MYO18B: variants seen among roughly 807,000 people sequenced by gnomAD.
MYO18B encodes the protein myosin XVIIIB.
MYO18B carries 204 observed loss-of-function variants against 273.0 expected under a neutral mutation model. The observed-to-expected ratio is 0.75, with a 90% CI of 0.67 to 0.84. MYO18B has a LOEUF of 0.84. Ranked by LOEUF, MYO18B falls within the 40% of genes least tolerant of loss-of-function variation. The pLI, the probability that MYO18B is intolerant of heterozygous loss-of-function variation, is 0.00. For synonymous variants in MYO18B, 1,330 were observed against 1,305.7 expected (o/e 1.02, Z -0.40); for missense variants, 3,212 against 3,287.6 (o/e 0.98, Z 0.56).
chr22:25,843,997 A>G, intron 18 of MYO18B, 103 bp downstream of exon 18: 1 of 1,074,774 alleles, frequency 9.3e-7, no homozygotes, highest in Non-Finnish European at 1.3e-6. Context: ...TGGGAGGGCC[A>G]GCCCAGGAAT....
intron 33 of MYO18B, among the ~76,000 whole-genome samples, chr22:25,916,540 T>C (rs2092263556): frequency 6.6e-6 from 1 of 152,244 alleles, no homozygotes. Context: ...CTTTTGTTCT[T>C]TTTTTCTTTT....
At chr22:25,774,598 C>T (rs1362756079) in intron 7 of MYO18B, among the ~76,000 whole-genome samples, 1 of 152,234 alleles carries the variant, frequency 6.6e-6, no homozygotes, top group African/African-American at 2.4e-5. Flanking sequence ...CTGGTCCGCA[C>T]CCTTCCCTCA....
intron 4 of MYO18B, among the ~76,000 whole-genome samples, chr22:25,769,631 G>C (rs1205573410): frequency 6.6e-6 from 1 of 152,172 alleles, no homozygotes; most frequent in East Asian, 1.9e-4. Context: ...AGTTTCCATT[G>C]CACCTGCCCT....
At chr22:25,767,386 A>T (rs1033197967) in intron 3 of MYO18B, among the ~76,000 whole-genome samples, 3 of 152,194 alleles carry the variant, frequency 2.0e-5, no homozygotes, top group Admixed American at 2.0e-4. Flanking sequence ...GAAGTGTGAT[A>T]TGGGGATCAG....
At chr22:25,933,413 G>C (rs1053996459) in intron 34 of MYO18B, among the ~76,000 whole-genome samples, 1 of 152,174 alleles carries the variant, frequency 6.6e-6, no homozygotes, top group African/African-American at 2.4e-5. Flanking sequence ...AGCAGAAAGG[G>C]TGATGAACCA....
intron 34 of MYO18B, among the ~76,000 whole-genome samples, chr22:25,926,890 A>G (rs2092429305): frequency 2.6e-5 from 4 of 152,196 alleles, no homozygotes; most frequent in Admixed American, 6.5e-5. Flanking sequence ...TTCCATGGAC[A>G]TTTATTAGTT....
intron 11 of MYO18B, among the ~76,000 whole-genome samples, chr22:25,792,485 T>TTTTC (rs1405731381): frequency 5.3e-5 from 3 of 56,126 alleles, no homozygotes; most frequent in South Asian, 7.2e-4. Flanking sequence ...ATGTTTCTTT[T>TTTTC]TTTTTTCTTT....
chr22:25,805,035 G>A (rs2088403455), intron 12 of MYO18B, among the ~76,000 whole-genome samples: 1 of 152,146 alleles, frequency 6.6e-6, no homozygotes, highest in Non-Finnish European at 1.5e-5. Context: ...CTGGTGTCTG[G>A]AGGTCAAGTA....
Position 25,846,179 on chromosome 22 carries a change from T to G in MYO18B, c.3448T>G (p.Ser1150Ala). The G allele has an allele frequency of 2.5e-6, 4 of 1,611,738 alleles. No individual in the cohort carries two copies. The highest frequency in any genetic ancestry group is 3.4e-6 in the Non-Finnish European group (4 of 1,179,508). The change falls in exon 19 of 44, where the codon TCC becomes GCC. Residue 1150 changes from serine to alanine, a missense_variant. Ser to Ala is a moderately conservative substitution (Grantham distance 99). Transcript: ENST00000335473. ...CRAVAGLEGT[S>A]QQALQRSRMV... ...GGCTGTGGCAGGCCTGGAGGGCACCTCCCAGCAGGCCCTGCAGAGGAGCCG... is the reference window on the plus strand; with the variant it reads ...GGCTGTGGCAGGCCTGGAGGGCACCGCCCAGCAGGCCCTGCAGAGGAGCCG...
chr22:25,939,877 T>A (rs1453047628), intron 34 of MYO18B, among the ~76,000 whole-genome samples: 1 of 152,188 alleles, frequency 6.6e-6, no homozygotes, highest in Non-Finnish European at 1.5e-5. Context: ...TCACTCAACC[T>A]CTCTATTCCT....
chr22:25,771,042 C>A, intron 6 of MYO18B, 58 bp downstream of exon 6: 4 of 1,150,156 alleles, frequency 3.5e-6, no homozygotes, highest in Non-Finnish European at 5.1e-6. Context: ...TTCACCCCAG[C>A]TCCATACCCT....
At chr22:25,900,387 A>C (rs1186268347) in intron 29 of MYO18B, 1 of 152,236 alleles carries the variant, frequency 6.6e-6, no homozygotes. Flanking sequence ...CTCGATGCTT[A>C]ATCGAAATGT....
intron 13 of MYO18B, among the ~76,000 whole-genome samples, chr22:25,824,799 G>C (rs553736961): frequency 1.3e-5 from 2 of 151,854 alleles, no homozygotes; most frequent in African/African-American, 4.8e-5. Context: ...ATTCCCAGAA[G>C]CATACACACA....
At chr22:26,025,016 T>C (rs779547297) in intron 42 of MYO18B, among the ~76,000 whole-genome samples, 1 of 152,218 alleles carries the variant, frequency 6.6e-6, no homozygotes. Context: ...GGGCCTCTTT[T>C]ATAAGGGCAC....
At chr22:26,037,531 G>A in the MYO18B span, among the ~76,000 whole-genome samples, 1 of 152,170 alleles carries the variant, frequency 6.6e-6, no homozygotes, top group Non-Finnish European at 1.5e-5. Context: ...CCAGTACAGG[G>A]AACATTTGAA....
At chr22:25,887,657 A>C (rs2091540943) in intron 25 of MYO18B, among the ~76,000 whole-genome samples, 1 of 152,112 alleles carries the variant, frequency 6.6e-6, no homozygotes, top group African/African-American at 2.4e-5. Flanking sequence ...AGCTCTGAGC[A>C]TGGTGCCTGC....
Position 25,761,078 on chromosome 22 carries a change from T to G in MYO18B, c.-15T>G, listed in dbSNP as rs772483094. The G allele has an allele frequency of 2.5e-6, 4 of 1,613,410 alleles. No individual in the cohort carries two copies. The South Asian group carries it at 4.4e-5, about 18-fold the overall frequency. The stretch of plus-strand genomic sequence containing the variant: ...ATCTCATCTCATCATCTCACGGCCC[T>G]GGCACTGCCTCAGCATGGCCATCTC... On this transcript the variant is annotated 5_prime_UTR_variant, in exon 2 of 44. Coordinates refer to ENST00000335473, the MANE Select transcript of MYO18B (RefSeq NM_032608.7).
chr22:25,831,831 A>G (rs1235225459), intron 15 of MYO18B, among the ~76,000 whole-genome samples: 1 of 152,356 alleles, frequency 6.6e-6, no homozygotes, highest in East Asian at 1.9e-4. Context: ...AGCTCTCAGC[A>G]TGACGGCTGA....
At chr22:25,963,961 T>C (rs1396359247) in intron 39 of MYO18B, 1 of 152,226 alleles carries the variant, frequency 6.6e-6, no homozygotes, top group Non-Finnish European at 1.5e-5. Context: ...GCAGTGCCCG[T>C]GAGTGGATGG....
Sources: allele counts gnomAD v4.1 joint callset (sites outside exome capture counted in the v4.1 genomes callset), GRCh38; gene constraint gnomAD v4.1.1; transcripts MANE v1.5; gene names NCBI Gene and HGNC (gene_info 2026-07-23, HGNC 2026-07-21).